SLC25A23: variants seen among roughly 807,000 people sequenced by gnomAD.
The protein encoded by SLC25A23 is solute carrier family 25 member 23, also known as mitochondrial adenyl nucleotide antiporter SLC25A23.
In SLC25A23, 32 loss-of-function variants were observed where a neutral mutation model predicts 53.9. The ratio of observed to expected loss-of-function variants is 0.59; its 90% CI spans 0.45 to 0.80. The LOEUF (loss-of-function observed/expected upper bound fraction) is 0.80. Ranked by LOEUF, SLC25A23 falls within the 30% of genes least tolerant of loss-of-function variation. The probability of loss-of-function intolerance (pLI) is 0.00; values close to 1 mark genes in which losing one functional copy is unlikely to be tolerated. For missense variants in SLC25A23, 575 were observed against 651.4 expected, an observed-to-expected ratio of 0.88 and a Z score of 1.28; for synonymous variants, 275 against 264.5, an observed-to-expected ratio of 1.04 and a Z score of -0.38.
downstream of SLC25A23, among the ~76,000 whole-genome samples, chr19:6,436,828 G>A (rs1277974548): frequency 2.7e-5 from 4 of 150,258 alleles, no homozygotes; most frequent in East Asian, 2.0e-4. Context: ...GATTATAGAC[G>A]TGAGCCACTG....
chr19:6,456,048 A>G, intron 4 of SLC25A23: 3 of 1,320,926 alleles, frequency 2.3e-6, no homozygotes, highest in Non-Finnish European at 3.0e-6. Flanking sequence ...GATTCTGTTC[A>G]GCCGTAGAAT....
In SLC25A23 at chr19:6,459,617, G is replaced by A; in HGVS notation, c.12C>T (p.Ser4=). The change falls in exon 1 of 10, where the codon AGC becomes AGT. Residue 4 remains serine, a synonymous_variant. Coordinates refer to ENST00000301454, the MANE Select transcript of SLC25A23 (RefSeq NM_024103.3). The surrounding 1 kb of genome is among the most constrained non-coding windows in gnomAD (Gnocchi z 4.6). MRG[S]PGDAERRQRW... is the part of the protein sequence containing the mutation. ...GCTGCCGCCGCTCCGCGTCGCCCGG[G>A]CTCCCCCGCATGGCGCCCGCCCGGG... is the stretch of plus-strand genomic sequence containing the variant. 2 of 1,518,364 alleles carry A rather than the reference G, an allele frequency of 1.3e-6. No individual in the cohort carries two copies. The highest frequency in any genetic ancestry group is 1.2e-5 in the South Asian group (1 of 81,090). The allele number at this position is 1,518,364 out of a possible 1,614,324, so 94.1% of individuals were successfully genotyped here.
chr19:6,442,264 A>G lies in SLC25A23; in HGVS notation c.1223-105T>C. ...GGTGGTGTCATTGCAGCAGGAGGGA[A>G]GGAGGTTAGACTAACAGTGGGACCT... On this transcript the variant is annotated intron_variant, in intron 9 of 9. Coordinates refer to ENST00000301454, the MANE Select transcript of SLC25A23 (RefSeq NM_024103.3). 5.3e-6 allele frequency: 4 copies of G among 752,922 alleles called. No individual in the cohort carries two copies. The South Asian group carries it at 7.4e-5, about 14-fold the overall frequency. The allele number at this position is 752,922 out of a possible 1,614,324, so 46.6% of individuals were successfully genotyped here.
Position 6,458,205 on chromosome 19 carries a change from G to A in SLC25A23, c.276C>T (p.Asn92=). 3.1e-6 allele frequency: 5 copies of A among 1,613,390 alleles called. No individual in the cohort carries two copies. The highest frequency in any genetic ancestry group is 3.4e-6 in the Non-Finnish European group (4 of 1,179,956). The change falls in exon 2 of 10, where the codon AAC becomes AAT. Residue 92 remains asparagine, a synonymous_variant. Transcript: ENST00000301454. ...CAGGTCGCCCGACCTTACCATCCTG[G>A]TTCCGGTCAAGACTGTGAAACATGA... The part of the protein sequence containing the change: ...LLLMFHSLDR[N]QDGHIDVSEI...
chr19:6,443,424 T>G lies in SLC25A23; in HGVS notation c.1222+727A>C, dbSNP rs2092453947. On this transcript the variant is annotated intron_variant, in intron 9 of 9. Coordinates refer to ENST00000301454, the MANE Select transcript of SLC25A23 (RefSeq NM_024103.3). Reference sequence around the variant, plus strand: ...CATTTTTTAAAAAAAGATGGGGTCTTGCTATGTTGCCCGGGCTGGTCTCAA... The same window carrying G: ...CATTTTTTAAAAAAAGATGGGGTCTGGCTATGTTGCCCGGGCTGGTCTCAA... 9 of 532,790 alleles carry G rather than the reference T, an allele frequency of 1.7e-5. No individual in the cohort carries two copies. The South Asian group carries it at 2.1e-4, about 12-fold the overall frequency. 33.0% of individuals were successfully genotyped at this position (532,790 alleles called of 1,614,324 possible).
chr19:6,444,167 G>T lies in SLC25A23; in HGVS notation c.1206C>A (p.Thr402=). 6.3e-7 allele frequency: 1 copy of T among 1,590,932 alleles called. No homozygotes were observed. Residue 402 remains threonine, a synonymous_variant, in exon 9 of 10, where the codon ACC becomes ACA. Transcript: ENST00000301454. ...AGGCCTCACCTTGTGCCTGCATGCG[G>T]GTCCGGACCAGGGCCAGCGGGTAAC... ...IASYPLALVR[T]RMQAQASIEG... is the part of the protein sequence containing the mutation.
chr19:6,455,718 T>TG (rs1274385165), intron 4 of SLC25A23, among the ~76,000 whole-genome samples: 763 of 36,668 alleles, frequency 0.021, 9 homozygotes, highest in Non-Finnish European at 0.033. Flanking sequence ...TTTTTTTTTT[T>TG]TTTTTTTTTT....
rs1352634814 is a variant in SLC25A23, at chr19:6,456,449, C to G, written c.454G>C (p.Asp152His). The change falls in exon 4 of 10, where the codon GAC becomes CAC. Residue 152 changes from aspartate (D) to histidine (H), a missense_variant. Transcript: ENST00000301454. ...FLLHSLENVE[D>H]VLYFWKHSTV... is the part of the protein sequence containing the mutation. ...GAATGCTTCCAGAAATACAGCACGT[C>G]CTCCACATTTTCCAGCGAATGCAAC... The G allele has an allele frequency of 6.2e-7, 1 of 1,613,954 alleles. No homozygotes were observed. Among genetic ancestry groups the G allele is most frequent in the Non-Finnish European group, 8.5e-7 (1 of 1,180,042 alleles).
chr19:6,458,889 G>T (rs952664247), intron 1 of SLC25A23, among the ~76,000 whole-genome samples: 1 of 152,218 alleles, frequency 6.6e-6, no homozygotes, highest in African/African-American at 2.4e-5. Flanking sequence ...TGGGGCTACA[G>T]GTGTGGGAAG....
At position 6,440,850 on chromosome 19, in the gene SLC25A23, T is replaced by C. The variant is rs1027083449; in HGVS notation, c.*1125A>G. The C allele has an allele frequency of 3.3e-5, 5 of 152,256 alleles. No homozygotes were observed. The highest frequency in any genetic ancestry group is 7.3e-5 in the Non-Finnish European group (5 of 68,100). 9.4% of individuals were successfully genotyped at this position (152,256 alleles called of 1,614,324 possible). Reference sequence around the variant, plus strand: ...GTGACTGGGCTGCCAGGATCTAGACTTGGGGCCTGAACATTTGGGACCCGG... The same window carrying C: ...GTGACTGGGCTGCCAGGATCTAGACCTGGGGCCTGAACATTTGGGACCCGG... On this transcript the variant is annotated 3_prime_UTR_variant, in exon 10 of 10. Transcript: ENST00000301454.
At chr19:6,457,412 T>C (rs2145082786) in intron 3 of SLC25A23, 91 bp downstream of exon 3, 5 of 1,192,784 alleles carry the variant, frequency 4.2e-6, no homozygotes, top group Non-Finnish European at 6.1e-6. Context: ...TGTATCCTCC[T>C]TGGGACTGGG....
At chr19:6,439,853 T>C (rs1336198685), downstream of SLC25A23, among the ~76,000 whole-genome samples, 1 of 151,000 alleles carries the variant, frequency 6.6e-6, no homozygotes, top group Non-Finnish European at 1.5e-5. Flanking sequence ...TAAATAAAAA[T>C]AATAAAGCCC....
chr19:6,452,651 A>G (rs2092609686), intron 7 of SLC25A23, 172 bp from the exon 8 acceptor site: 2 of 696,372 alleles, frequency 2.9e-6, no homozygotes, highest in Non-Finnish European at 4.5e-6. Flanking sequence ...ATACCTAGAA[A>G]TAGTTACACC....
chr19:6,442,084 C>G lies in SLC25A23; in HGVS notation c.1298G>C (p.Gly433Ala). ...RHILSQEGMR[G>A]LYRGIAPNFM... ...GTTGGGGGCGATCCCCCGGTAGAGG[C>G]CCCGCATGCCCTCCTGGGACAGGAT... The change falls in exon 10 of 10, where the codon GGC (glycine) becomes GCC (alanine). Residue 433 changes from glycine (G) to alanine (A), a missense_variant. Gly to Ala is a moderately conservative substitution (Grantham distance 60). Transcript: ENST00000301454. The G allele has an allele frequency of 6.2e-7, 1 of 1,612,558 alleles. No homozygotes were observed. Among genetic ancestry groups the G allele is most frequent in the Non-Finnish European group, 8.5e-7 (1 of 1,179,372 alleles).
At chr19:6,448,563 T>C (rs924536837) in intron 8 of SLC25A23, among the ~76,000 whole-genome samples, 2 of 151,522 alleles carry the variant, frequency 1.3e-5, no homozygotes, top group South Asian at 4.2e-4. Flanking sequence ...CTCCGCCTCC[T>C]GGGTTCAAGC....
At position 6,454,727 on chromosome 19, in the gene SLC25A23, C is replaced by A. The variant is rs374853061; in HGVS notation, c.484-10G>T. 15 of 1,613,210 alleles carry A rather than the reference C, an allele frequency of 9.3e-6. No homozygotes were observed. The highest frequency in any genetic ancestry group is 1.3e-5 in the Non-Finnish European group (15 of 1,179,710). On this transcript the variant is annotated splice_polypyrimidine_tract_variant and intron_variant, in intron 4 of 9. Coordinates refer to ENST00000301454, the MANE Select transcript of SLC25A23 (RefSeq NM_024103.3). This position sits in a 1 kb window ranked among gnomAD's most constrained non-coding sequence, Gnocchi z 4.3. ...CGCCAATGTCCAGGACCTAAAGATA[C>A]AGGTGTTGGGGGTGTCATGCCATGG...
intron 4 of SLC25A23, chr19:6,455,969 T>G (rs993634417): frequency 1.6e-6 from 2 of 1,259,266 alleles, no homozygotes; most frequent in Admixed American, 4.6e-5. Context: ...TCCGCCCACT[T>G]CGGCCTCCCA....
chr19:6,449,742 G>A (rs1380434089), intron 8 of SLC25A23, among the ~76,000 whole-genome samples: 1 of 150,482 alleles, frequency 6.6e-6, no homozygotes, highest in African/African-American at 2.4e-5. Flanking sequence ...TTGTTTTATA[G>A]AGACTGGTCT....
intron 9 of SLC25A23, among the ~76,000 whole-genome samples, chr19:6,442,576 T>C (rs1213399803): frequency 6.6e-6 from 1 of 152,084 alleles, no homozygotes; most frequent in African/African-American, 2.4e-5. Context: ...TAGACGGAGT[T>C]TCGCTCTTGT....
Sources: gnomAD v4.1 joint callset for allele counts (sites outside exome capture counted in the v4.1 genomes callset) on GRCh38, gnomAD v4.1.1 for gene constraint, Gnocchi (gnomAD v3.1) non-coding constraint, MANE v1.5 for transcripts, NCBI Gene and HGNC (gene_info 2026-07-23, HGNC 2026-07-21) for gene names.